RIPOR2: variants seen among roughly 807,000 people sequenced by gnomAD.
The protein encoded by RIPOR2 is rho family-interacting cell polarization regulator 2.
Under a neutral mutation model 114.5 loss-of-function variants are expected in RIPOR2, and 39 were observed. The ratio of observed to expected loss-of-function variants is 0.34; its 90% CI spans 0.26 to 0.44. The LOEUF is 0.44. Among genes scored for constraint, RIPOR2 ranks in the 20% least tolerant of loss-of-function variants. The probability of loss-of-function intolerance (pLI) is 1.00; values close to 1 mark genes in which losing one functional copy is unlikely to be tolerated. For synonymous variants in RIPOR2, 445 were observed against 484.4 expected, an observed-to-expected ratio of 0.92 and a Z score of 1.07; for missense variants, 1,007 against 1,255.1, an observed-to-expected ratio of 0.80 and a Z score of 2.99.
At chr6:24,976,630 A>G (rs1774062589) in intron 1 of RIPOR2, 1 of 1,609,612 alleles carries the variant, frequency 6.2e-7, no homozygotes. Flanking sequence ...ATTTGGTTAT[A>G]AGGGTTCCTG....
At chr6:24,987,026 TG>T (rs1173852601) in intron 1 of RIPOR2, among the ~76,000 whole-genome samples, 3 of 152,204 alleles carry the variant, frequency 2.0e-5, no homozygotes, top group Non-Finnish European at 4.4e-5. Context: ...CTGAAGGCTA[TG>T]GGCTGGGCAG....
At chr6:24,988,873 G>A (rs1774656681) in intron 1 of RIPOR2, among the ~76,000 whole-genome samples, 1 of 152,178 alleles carries the variant, frequency 6.6e-6, no homozygotes, top group African/African-American at 2.4e-5. Flanking sequence ...GCAGAATTGA[G>A]TGGTTGGAAC....
At chr6:24,932,429 C>A (rs1771473456) in intron 1 of RIPOR2, among the ~76,000 whole-genome samples, 1 of 147,576 alleles carries the variant, frequency 6.8e-6, no homozygotes, top group African/African-American at 2.6e-5. Flanking sequence ...TAGGTGAATC[C>A]CTTTTCTTTC....
intron 15 of RIPOR2, among the ~76,000 whole-genome samples, chr6:24,834,366 C>A (rs1465189999): frequency 6.6e-6 from 1 of 152,090 alleles, no homozygotes; most frequent in Admixed American, 6.5e-5. Flanking sequence ...CCCGAGGGAC[C>A]CCTAGCTCCT....
At chr6:25,015,895 GGTTTTTTTTTT>G (rs1438887173) in intron 1 of RIPOR2, 10 of 16,450 alleles carry the variant, frequency 6.1e-4, no homozygotes, top group East Asian at 3.8e-3. Flanking sequence ...CAGGTTTTTT[GGTTTTTTTTTT>G]TTTTTTTTTT....
In RIPOR2 at chr6:24,848,078, T is replaced by G; in HGVS notation, c.1111A>C (p.Met371Leu). The stretch of plus-strand genomic sequence containing the variant: ...GTTTCCGGGGTACCCTGGCTGTACA[T>G]GGACATTCTCCTCTGAAGGGCTGCT... The part of the protein sequence containing the change: ...KAAALQRRMS[M>L]YSQGTPETPT... Residue 371 changes from methionine (M) to leucine (L), a missense_variant, in exon 12 of 22, where the codon ATG (methionine) becomes CTG (leucine). By Grantham distance (15) the Met-to-Leu change is conservative (BLOSUM62 2). Transcript: ENST00000643898. The G allele has an allele frequency of 6.2e-7, 1 of 1,613,960 alleles. No individual in the cohort carries two copies. Among genetic ancestry groups the G allele is most frequent in the Non-Finnish European group, 8.5e-7 (1 of 1,179,858 alleles).
intron 12 of RIPOR2, among the ~76,000 whole-genome samples, chr6:24,846,484 T>G (rs9467331): frequency 0.029 from 4,387 of 152,102 alleles, 104 homozygotes; most frequent in East Asian, 0.087. Flanking sequence ...TTTTAAATTT[T>G]TTGTAGAGAC....
In RIPOR2 at chr6:24,978,641, G is replaced by A. The variant is rs182640365; in HGVS notation, c.76+63210C>T. 1.3e-4 allele frequency among the ~76,000 whole-genome samples: 20 copies of A among 152,252 alleles called. No individual in the cohort carries two copies. The East Asian group carries it at 3.9e-3, about 29-fold the overall frequency. ...TGGTCACTAATGCTTCATGGTGAAT[G>A]GAGGTTGGGAATATTGCTCTGCGAT... is the stretch of plus-strand genomic sequence containing the variant. On this transcript the variant is annotated intron_variant, in intron 1 of 13. Transcript: ENST00000510784.
At chr6:24,880,771 T>C (rs573198515) in intron 1 of RIPOR2, among the ~76,000 whole-genome samples, 53 of 152,356 alleles carry the variant, frequency 3.5e-4, no homozygotes, top group African/African-American at 8.2e-4. Flanking sequence ...GAAGTCCTTA[T>C]TATGAGTTCT....
chr6:24,873,401 A>ATCAT (rs1765404455), intron 3 of RIPOR2, among the ~76,000 whole-genome samples: 1 of 152,232 alleles, frequency 6.6e-6, no homozygotes, highest in Non-Finnish European at 1.5e-5. Flanking sequence ...ATGTCTGTCC[A>ATCAT]TCATTGTTTA....
At chr6:24,849,475 T>G (rs1762641552) in intron 11 of RIPOR2, among the ~76,000 whole-genome samples, 1 of 152,178 alleles carries the variant, frequency 6.6e-6, no homozygotes, top group South Asian at 2.1e-4. Flanking sequence ...ATTAGTTTAC[T>G]TGAGAGGACA....
At chr6:24,808,433 C>G (rs1397533093) in intron 21 of RIPOR2, among the ~76,000 whole-genome samples, 2 of 152,156 alleles carry the variant, frequency 1.3e-5, no homozygotes, top group Non-Finnish European at 2.9e-5. Flanking sequence ...CTAATACAAC[C>G]ATAAGGAATA....
At chr6:25,023,320 G>A (rs1776422576) in intron 1 of RIPOR2, 2 of 787,882 alleles carry the variant, frequency 2.5e-6, no homozygotes, top group Non-Finnish European at 2.3e-6. Flanking sequence ...TGATGTTGAT[G>A]AACCCGGTGG....
At chr6:25,017,118 T>C (rs1776044674) in intron 1 of RIPOR2, among the ~76,000 whole-genome samples, 1 of 152,150 alleles carries the variant, frequency 6.6e-6, no homozygotes, top group Admixed American at 6.5e-5. Flanking sequence ...GACGGGTGGA[T>C]CACCTGAGGT....
chr6:25,026,279 A>G (rs1776618274), intron 1 of RIPOR2, among the ~76,000 whole-genome samples: 1 of 152,206 alleles, frequency 6.6e-6, no homozygotes, highest in Admixed American at 6.5e-5. Flanking sequence ...GGTAGTTTTT[A>G]TTAGATATTT....
chr6:24,928,729 C>A (rs1019046674), intron 1 of RIPOR2, among the ~76,000 whole-genome samples: 8 of 152,314 alleles, frequency 5.3e-5, no homozygotes, highest in South Asian at 2.1e-4. Flanking sequence ...CGTCTTTCTT[C>A]TCTTTATTTT....
chr6:24,961,992 A>G (rs1030849641), intron 1 of RIPOR2, among the ~76,000 whole-genome samples: 1 of 152,164 alleles, frequency 6.6e-6, no homozygotes, highest in African/African-American at 2.4e-5. Context: ...TACACATGTG[A>G]AGAAAGTATG....
intron 1 of RIPOR2, among the ~76,000 whole-genome samples, chr6:24,969,820 C>T (rs1773696742): frequency 6.6e-6 from 1 of 152,150 alleles, no homozygotes; most frequent in Non-Finnish European, 1.5e-5. Context: ...TCATGCTCAC[C>T]TTTCCTGATC....
intron 16 of RIPOR2, 114 bp downstream of exon 16, chr6:24,832,142 G>T: frequency 9.5e-7 from 1 of 1,055,344 alleles, no homozygotes; most frequent in South Asian, 1.7e-5. Context: ...TCAATCCTGT[G>T]ACCTAAGAAT....
Sources: allele counts gnomAD v4.1 joint callset (sites outside exome capture counted in the v4.1 genomes callset), GRCh38; gene constraint gnomAD v4.1.1; transcripts MANE v1.5; gene names NCBI Gene and HGNC (gene_info 2026-07-23, HGNC 2026-07-21).